FOXP1: variants seen among roughly 807,000 people sequenced by gnomAD.
The protein encoded by FOXP1 is forkhead box protein P1.
Under a neutral mutation model 98.2 loss-of-function variants are expected in FOXP1, and 15 were observed. That is an observed-to-expected ratio of 0.15 (90% CI 0.10 to 0.24). FOXP1 has a LOEUF of 0.24. Among genes scored for constraint, FOXP1 ranks in the 10% least tolerant of loss-of-function variants. The pLI is 1.00. For synonymous variants in FOXP1, 371 were observed against 314.5 expected (o/e 1.18, Z -1.90); for missense variants, 633 against 848.5 (o/e 0.75, Z 3.15).
chr3:70,993,450 A>C (rs2040914201), intron 13 of FOXP1, among the ~76,000 whole-genome samples: 1 of 152,240 alleles, frequency 6.6e-6, no homozygotes, highest in Non-Finnish European at 1.5e-5. Context: ...CAGGCTACAA[A>C]GGCTGGGTTA....
chr3:71,019,171 TGAG>T (rs942718155), intron 11 of FOXP1, among the ~76,000 whole-genome samples: 4 of 152,130 alleles, frequency 2.6e-5, no homozygotes, highest in African/African-American at 9.7e-5. Context: ...GAAATAAAAA[TGAG>T]GAGAATAATG....
intron 5 of FOXP1, 24 bp from the exon 6 acceptor site, chr3:71,198,416 G>C (rs1404838509): frequency 4.6e-6 from 4 of 865,934 alleles, no homozygotes; most frequent in Middle Eastern, 2.6e-4. Context: ...TTCCAAGATG[G>C]GGGGAGGGAG....
Position 71,434,628 on chromosome 3 carries a change from TG to T in FOXP1, c.-168+58797del, listed in dbSNP as rs1553883009. Reference sequence around the variant, plus strand: ...GGACACGGTGACCCTCATGAGGGGATGGGGTGTGTGTGTGTGTGTGTGTGTG... The same window carrying T: ...GGACACGGTGACCCTCATGAGGGGATGGGTGTGTGTGTGTGTGTGTGTGTG... On this transcript the variant is annotated intron_variant, in intron 3 of 20. Transcript: ENST00000649528. Among the ~76,000 whole-genome samples, 17 of 97,832 alleles carry T rather than the reference TG, an allele frequency of 1.7e-4. 1 individual carries two copies. Among genetic ancestry groups the T allele is most frequent in the African/African-American group, 7.2e-4 (17 of 23,726 alleles). 64.2% of individuals were successfully genotyped at this position (97,832 alleles called of 152,430 possible).
chr3:71,416,410 T>C (rs1179534761), intron 3 of FOXP1, among the ~76,000 whole-genome samples: 1 of 152,028 alleles, frequency 6.6e-6, no homozygotes, highest in Non-Finnish European at 1.5e-5. Flanking sequence ...GGTATGGTGG[T>C]GTACACCACC....
intron 3 of FOXP1, among the ~76,000 whole-genome samples, chr3:71,428,626 G>GC (rs1173072431): frequency 6.6e-6 from 1 of 152,154 alleles, no homozygotes; most frequent in Non-Finnish European, 1.5e-5. Context: ...TTCTAAAGAG[G>GC]CCCCCCTATG....
chr3:71,006,755 T>C (rs914255103), intron 12 of FOXP1, among the ~76,000 whole-genome samples: 4 of 152,184 alleles, frequency 2.6e-5, no homozygotes, highest in African/African-American at 4.8e-5. Context: ...TACAGTGATA[T>C]AGATGTACCG....
intron 6 of FOXP1, among the ~76,000 whole-genome samples, chr3:71,187,758 A>G (rs930803318): frequency 7.2e-5 from 11 of 152,212 alleles, no homozygotes; most frequent in Non-Finnish European, 1.3e-4. Context: ...ATGCTTTTGG[A>G]TGTTGAATTC....
chr3:71,258,673 G>A (rs914724482), intron 5 of FOXP1, among the ~76,000 whole-genome samples: 2 of 152,210 alleles, frequency 1.3e-5, no homozygotes, highest in Non-Finnish European at 2.9e-5. Flanking sequence ...CAAATAAACA[G>A]TGTGTGGCAA....
At chr3:71,011,524 G>A (rs1382055780) in intron 12 of FOXP1, among the ~76,000 whole-genome samples, 1 of 152,140 alleles carries the variant, frequency 6.6e-6, no homozygotes, top group African/African-American at 2.4e-5. Context: ...CAACAGCCTT[G>A]GTTAAATATC....
intron 3 of FOXP1, among the ~76,000 whole-genome samples, chr3:71,407,130 C>T (rs937655144): frequency 1.3e-5 from 2 of 152,098 alleles, no homozygotes; most frequent in Non-Finnish European, 2.9e-5. Flanking sequence ...GCATTGGGAA[C>T]GGCACGCCAC....
At chr3:71,447,210 T>C (rs766898793) in intron 3 of FOXP1, among the ~76,000 whole-genome samples, 4 of 152,232 alleles carry the variant, frequency 2.6e-5, no homozygotes, top group Non-Finnish European at 4.4e-5. Flanking sequence ...AGTTGTGGCC[T>C]GAATACCTCT....
chr3:71,294,579 C>G (rs369206821), intron 5 of FOXP1, among the ~76,000 whole-genome samples: 10 of 152,204 alleles, frequency 6.6e-5, no homozygotes, highest in African/African-American at 1.4e-4. Flanking sequence ...CAATAAACAT[C>G]TGCAGTAAGA....
At chr3:71,198,432 G>GGCCCCCCCCCCCCCCCCCC in intron 5 of FOXP1, 40 bp from the exon 6 acceptor site, 1 of 491,034 alleles carries the variant, frequency 2.0e-6, no homozygotes, top group Non-Finnish European at 4.0e-6. Flanking sequence ...GGGAGGGGGG[G>GGCCCCCCCCCCCCCCCCCC]AGAAAAAAAA....
chr3:71,302,477 A>T (rs1047554235), intron 4 of FOXP1, among the ~76,000 whole-genome samples: 8 of 151,384 alleles, frequency 5.3e-5, no homozygotes, highest in Admixed American at 1.3e-4. Flanking sequence ...CACAAGCACC[A>T]AAACTAAAAT....
At chr3:71,263,529 C>T (rs1185534516) in intron 5 of FOXP1, among the ~76,000 whole-genome samples, 3 of 152,052 alleles carry the variant, frequency 2.0e-5, no homozygotes, top group African/African-American at 7.2e-5. Flanking sequence ...TTGTGATGTG[C>T]GAGGTGTGCA....
intron 5 of FOXP1, among the ~76,000 whole-genome samples, chr3:71,251,366 A>G (rs1265477681): frequency 2.0e-5 from 3 of 152,334 alleles, no homozygotes; most frequent in Admixed American, 2.0e-4. Flanking sequence ...CAAAATGCAC[A>G]CAATTCAGGT....
chr3:71,009,155 CGGG>C lies in FOXP1; in HGVS notation c.974+6391_974+6393del, dbSNP rs10546380. 3.8e-4 allele frequency among the ~76,000 whole-genome samples: 8 copies of C among 20,802 alleles called. 1 individual carries two copies. The highest frequency in any genetic ancestry group is 7.3e-4 in the African/African-American group (6 of 8,238). The allele number at this position is 20,802 out of a possible 152,430, so 13.6% of individuals were successfully genotyped here. A position where few individuals can be genotyped will look rare whatever the true frequency, so the allele number is the denominator to read the frequency against. On this transcript the variant is annotated intron_variant, in intron 12 of 20. Transcript: ENST00000649528. ...TGGTTGGTCAATGAAATCATGGGGG[CGGG>C]GGGGGGGGGGCGCATGACACACGTG...
intron 6 of FOXP1, chr3:71,130,569 T>G: frequency 6.3e-7 from 1 of 1,598,434 alleles, no homozygotes; most frequent in Non-Finnish European, 8.5e-7. Flanking sequence ...TTGCTGTAGA[T>G]GGGTTCTGGC....
chr3:71,355,678 C>T (rs1451403812), intron 4 of FOXP1, among the ~76,000 whole-genome samples: 1 of 152,184 alleles, frequency 6.6e-6, no homozygotes, highest in Non-Finnish European at 1.5e-5. Context: ...ACACAGTGAA[C>T]ATGATGGAAG....
Sources: allele counts gnomAD v4.1 joint callset (sites outside exome capture counted in the v4.1 genomes callset), GRCh38; gene constraint gnomAD v4.1.1; transcripts MANE v1.5; gene names NCBI Gene and HGNC (gene_info 2026-07-23, HGNC 2026-07-21).